CLIP2: variants seen among roughly 807,000 people sequenced by gnomAD.
CLIP2 encodes CAP-Gly domain-containing linker protein 2.
Under a neutral mutation model 111.7 loss-of-function variants are expected in CLIP2, and 41 were observed. The ratio of observed to expected loss-of-function variants is 0.37; its 90% CI spans 0.29 to 0.48. The LOEUF is 0.48. Ranked by LOEUF, CLIP2 falls within the 20% of genes least tolerant of loss-of-function variation. CLIP2 has a pLI of 0.99. For synonymous variants in CLIP2, 660 were observed against 644.2 expected, an observed-to-expected ratio of 1.02 and a Z score of -0.37; for missense variants, 1,160 against 1,422.1, an observed-to-expected ratio of 0.82 and a Z score of 2.96.
intron 1 of CLIP2, among the ~76,000 whole-genome samples, chr7:74,299,829 G>A (rs530690376): frequency 1.1e-4 from 14 of 128,800 alleles, no homozygotes; most frequent in Admixed American, 2.4e-4. Context: ...CTCCCAAGTA[G>A]CTAGATTACA....
At position 74,376,524 on chromosome 7, in the gene CLIP2, A is replaced by G; in HGVS notation, c.2123A>G (p.Glu708Gly). The change falls in exon 10 of 17, where the codon GAG becomes GGG. Residue 708 changes from glutamate to glycine, a missense_variant. Transcript: ENST00000223398. This position sits in a 1 kb window ranked among gnomAD's most constrained non-coding sequence, Gnocchi z 7.1. ...CAGCGGCACTGGCGGGCCCAGCTGGAGGTGCAAGCCAGCCAGCACCGGCTG... is the reference window on the plus strand; with the variant it reads ...CAGCGGCACTGGCGGGCCCAGCTGGGGGTGCAAGCCAGCCAGCACCGGCTG... Reference protein sequence around the residue: ...GLQRHWRAQLEVQASQHRLEL... With the variant: ...GLQRHWRAQLGVQASQHRLEL... 6.2e-7 allele frequency: 1 copy of G among 1,601,964 alleles called. No homozygotes were observed. Among genetic ancestry groups the G allele is most frequent in the Admixed American group, 1.7e-5 (1 of 57,404 alleles).
intron 1 of CLIP2, among the ~76,000 whole-genome samples, chr7:74,316,103 G>A (rs1464245774): frequency 7.2e-6 from 1 of 139,758 alleles, no homozygotes; most frequent in African/African-American, 2.7e-5. Flanking sequence ...TCATTGTCCA[G>A]CTCCGACTTA....
intron 8 of CLIP2, chr7:74,364,993 T>TTTGTG (rs1491163760): frequency 3.8e-6 from 1 of 263,870 alleles, no homozygotes; most frequent in Non-Finnish European, 7.5e-6. Context: ...CTGTTTTTTG[T>TTTGTG]TGTGTGTGTG....
At chr7:74,384,009 T>G (rs1196624381) in intron 11 of CLIP2, among the ~76,000 whole-genome samples, 1 of 152,036 alleles carries the variant, frequency 6.6e-6, no homozygotes, top group African/African-American at 2.4e-5. Flanking sequence ...GTCAAAATGG[T>G]GAAACCCAGT....
At chr7:74,334,995 CTG>C (rs1245931003) in intron 2 of CLIP2, among the ~76,000 whole-genome samples, 1 of 151,826 alleles carries the variant, frequency 6.6e-6, no homozygotes, top group Non-Finnish European at 1.5e-5. Flanking sequence ...GAGTGAGACT[CTG>C]TCTCAAAAAA....
At chr7:74,396,736 G>A (rs1218500925) in intron 13 of CLIP2, among the ~76,000 whole-genome samples, 3 of 152,084 alleles carry the variant, frequency 2.0e-5, no homozygotes, top group Non-Finnish European at 4.4e-5. Context: ...GGCCAGGCTG[G>A]TCTCAAACTC....
chr7:74,382,686 GA>G (rs1378617082), intron 11 of CLIP2, among the ~76,000 whole-genome samples: 1 of 151,656 alleles, frequency 6.6e-6, no homozygotes, highest in Non-Finnish European at 1.5e-5. Context: ...CTGATTTTTA[GA>G]AGCTCTTTAT....
chr7:74,334,952 CACTCCAGCCTGGGG>C lies in CLIP2; in HGVS notation c.122-3482_122-3469del, dbSNP rs1789407191. 7.2e-5 allele frequency among the ~76,000 whole-genome samples: 11 copies of C among 152,112 alleles called. No individual in the cohort carries two copies. In the South Asian group the frequency reaches 2.1e-3, roughly 29 times the overall value. On this transcript the variant is annotated intron_variant, in intron 2 of 16. Transcript: ENST00000223398. ...GCAGTGAGCAGAGATTGCACCATTG[CACTCCAGCCTGGGG>C]ACTCCAGCCTGGGCAACAGAGTGAG... is the stretch of plus-strand genomic sequence containing the variant.
intron 11 of CLIP2, among the ~76,000 whole-genome samples, chr7:74,385,122 C>CAAAAAAAAAAAAA (rs71094780): frequency 1.9e-5 from 1 of 51,592 alleles, no homozygotes; most frequent in Non-Finnish European, 3.7e-5. Flanking sequence ...ATTAAAAATA[C>CAAAAAAAAAAAAA]AAAAAAAAAA....
intron 2 of CLIP2, among the ~76,000 whole-genome samples, chr7:74,335,685 T>TCCTTCCTTC (rs1205907504): frequency 3.4e-5 from 5 of 148,392 alleles, no homozygotes; most frequent in Non-Finnish European, 6.0e-5. Flanking sequence ...CTTGCTTCCT[T>TCCTTCCTTC]CCTTTCTCTT....
chr7:74,291,045 T>A (rs782326307), intron 1 of CLIP2, among the ~76,000 whole-genome samples: 2 of 152,096 alleles, frequency 1.3e-5, no homozygotes, highest in Non-Finnish European at 2.9e-5. Context: ...GAATAAGGGC[T>A]TGGAGTCAGA....
intron 3 of CLIP2, among the ~76,000 whole-genome samples, chr7:74,339,740 C>T (rs1173460738): frequency 6.6e-6 from 1 of 152,092 alleles, no homozygotes; most frequent in African/African-American, 2.4e-5. Flanking sequence ...CCAGCTCATC[C>T]ACATGCATGT....
intron 1 of CLIP2, among the ~76,000 whole-genome samples, chr7:74,316,560 C>CT (rs547451254): frequency 1.8e-3 from 245 of 138,292 alleles, no homozygotes; most frequent in Admixed American, 2.0e-3. Flanking sequence ...CCTTTTAGGG[C>CT]TTTTTTTTTT....
Position 74,376,019 on chromosome 7 carries a change from G to T in CLIP2, c.1618G>T (p.Ala540Ser), listed in dbSNP as rs375622097. Residue 540 changes from alanine to serine, a missense_variant, in exon 10 of 17, where the codon GCC becomes TCC. Coordinates refer to ENST00000223398, the MANE Select transcript of CLIP2 (RefSeq NM_003388.5). This position sits in a 1 kb window ranked among gnomAD's most constrained non-coding sequence, Gnocchi z 7.1. ...GPPPPDHPDA[A>S]EILRLRERLL... ...CCCACCTCCGGACCACCCAGACGCC[G>T]CCGAGATCCTGCGGCTACGGGAGCG... 2.5e-6 allele frequency: 4 copies of T among 1,612,836 alleles called. No individual in the cohort carries two copies. The South Asian group carries it at 4.4e-5, about 18-fold the overall frequency.
In CLIP2 at chr7:74,404,029, T is replaced by G; in HGVS notation, c.*181T>G. ...CCGATCCCTCGCCAGACCAGGACGCTTCCTCAAGCCCAGCCTTCTACAGAG... is the reference window on the plus strand; with the variant it reads ...CCGATCCCTCGCCAGACCAGGACGCGTCCTCAAGCCCAGCCTTCTACAGAG... On this transcript the variant is annotated 3_prime_UTR_variant, in exon 17 of 17. Transcript: ENST00000223398. 1 of 676,346 alleles carries G rather than the reference T, an allele frequency of 1.5e-6. No individual in the cohort carries two copies. The highest frequency in any genetic ancestry group is 2.6e-6 in the Non-Finnish European group (1 of 379,952). 41.9% of individuals were successfully genotyped at this position (676,346 alleles called of 1,614,324 possible).
intron 7 of CLIP2, among the ~76,000 whole-genome samples, chr7:74,360,852 G>A (rs933864041): frequency 2.6e-5 from 4 of 152,060 alleles, no homozygotes; most frequent in African/African-American, 4.8e-5. Context: ...TTGGAACACC[G>A]CATTTGTTCA....
chr7:74,364,131 TG>T (rs1790410685), intron 7 of CLIP2, 123 bp from the exon 8 acceptor site: 1 of 810,016 alleles, frequency 1.2e-6, no homozygotes, highest in African/African-American at 1.7e-5. Flanking sequence ...TGGGACATTT[TG>T]ATGGCCTCGC....
At chr7:74,402,332 AAAAAAAAAAAACC>A in intron 16 of CLIP2, among the ~76,000 whole-genome samples, 1 of 150,214 alleles carries the variant, frequency 6.7e-6, no homozygotes, top group East Asian at 1.9e-4. Flanking sequence ...TCCATCTCAA[AAAAAAAAAAAACC>A]AAAAAAAAAA....
chr7:74,323,828 G>A (rs1554730326), intron 2 of CLIP2, among the ~76,000 whole-genome samples: 1 of 152,184 alleles, frequency 6.6e-6, no homozygotes, highest in Non-Finnish European at 1.5e-5. Context: ...TTGTAGCCTA[G>A]GAGCAGTGGA....
Sources: gnomAD v4.1 joint callset for allele counts (sites outside exome capture counted in the v4.1 genomes callset) on GRCh38, gnomAD v4.1.1 for gene constraint, Gnocchi (gnomAD v3.1) non-coding constraint, MANE v1.5 for transcripts, NCBI Gene and HGNC (gene_info 2026-07-23, HGNC 2026-07-21) for gene names.